The following FAM13A variants were observed in gnomAD, a reference collection of about 807,000 sequenced individuals.
The protein encoded by FAM13A is protein FAM13A.
A neutral mutation model predicts 129.6 loss-of-function variants in FAM13A; 76 were observed. That is an observed-to-expected ratio of 0.59 (90% CI 0.49 to 0.71). FAM13A has a LOEUF of 0.71. Among genes scored for constraint, FAM13A ranks in the 30% least tolerant of loss-of-function variants. The probability of loss-of-function intolerance (pLI) is 0.00; values close to 1 mark genes in which losing one functional copy is unlikely to be tolerated. For synonymous variants in FAM13A, 443 were observed against 449.9 expected, an observed-to-expected ratio of 0.98 and a Z score of 0.20; for missense variants, 1,108 against 1,249.3, an observed-to-expected ratio of 0.89 and a Z score of 1.70.
intron 4 of FAM13A, among the ~76,000 whole-genome samples, chr4:88,977,471 G>A (rs1443875357): frequency 2.6e-5 from 4 of 151,964 alleles, no homozygotes; most frequent in South Asian, 4.1e-4. Context: ...TTCATTCACC[G>A]TTTCTCTTAT....
chr4:88,746,922 C>T lies in FAM13A; in HGVS notation c.2466+10G>A, dbSNP rs778864112. 7 of 1,591,354 alleles carry T rather than the reference C, an allele frequency of 4.4e-6. No individual in the cohort carries two copies. In the South Asian group the frequency reaches 7.7e-5, roughly 18 times the overall value. ...TTGACCCCAATCAGAAAATTTACTA[C>T]ATCACATACCGGCCGTCCATGAATG... On this transcript the variant is annotated intron_variant, in intron 19 of 23. Transcript: ENST00000264344.
At chr4:88,771,945 G>T (rs1720760412) in intron 11 of FAM13A, among the ~76,000 whole-genome samples, 1 of 152,150 alleles carries the variant, frequency 6.6e-6, no homozygotes, top group South Asian at 2.1e-4. Context: ...GTTCATTTTA[G>T]ATTGTGGAAT....
At chr4:88,889,757 A>G (rs1263342451) in intron 6 of FAM13A, among the ~76,000 whole-genome samples, 1 of 152,208 alleles carries the variant, frequency 6.6e-6, no homozygotes, top group Non-Finnish European at 1.5e-5. Context: ...AGATGAAACC[A>G]GTAGAAGATG....
At chr4:88,931,428 C>T (rs1335281179) in intron 5 of FAM13A, among the ~76,000 whole-genome samples, 5 of 152,054 alleles carry the variant, frequency 3.3e-5, no homozygotes, top group Non-Finnish European at 7.4e-5. Flanking sequence ...TCACTGTTTC[C>T]CCATGTCCAG....
Position 88,949,947 on chromosome 4 carries a change from C to G in FAM13A, c.606-11706G>C, listed in dbSNP as rs76527869. 1.4e-3 allele frequency among the ~76,000 whole-genome samples: 214 copies of G among 152,254 alleles called. 4 individuals carry two copies. In the East Asian group the frequency reaches 0.038, roughly 27 times the overall value. On this transcript the variant is annotated intron_variant, in intron 4 of 23. Transcript: ENST00000264344. The stretch of plus-strand genomic sequence containing the variant: ...AGTACTACATCAACAATTACCCAAC[C>G]ATGTCTACATAGTAATCAATATTTT...
chr4:89,033,970 A>G (rs1769034196), intron 1 of FAM13A, among the ~76,000 whole-genome samples: 2 of 152,214 alleles, frequency 1.3e-5, no homozygotes, highest in South Asian at 4.1e-4. Context: ...TTCAAACTAT[A>G]AAAATCCTGT....
chr4:88,914,586 T>A (rs1749772698), intron 5 of FAM13A, among the ~76,000 whole-genome samples: 1 of 152,166 alleles, frequency 6.6e-6, no homozygotes, highest in Non-Finnish European at 1.5e-5. Context: ...TCAGCTCCCA[T>A]GTCACTTCCT....
intron 14 of FAM13A, among the ~76,000 whole-genome samples, chr4:88,757,695 A>T (rs1240698728): frequency 6.6e-6 from 1 of 152,228 alleles, no homozygotes; most frequent in African/African-American, 2.4e-5. Context: ...CAGAACTAGA[A>T]TAAAAAAGTT....
intron 5 of FAM13A, among the ~76,000 whole-genome samples, chr4:88,923,912 GACAA>G (rs1454194331): frequency 6.0e-4 from 92 of 152,204 alleles, no homozygotes; most frequent in African/African-American, 2.0e-3. Context: ...ACCAGTAACA[GACAA>G]ACAGAGAGCC....
chr4:88,756,600 G>T (rs1743694705), intron 14 of FAM13A, among the ~76,000 whole-genome samples: 1 of 152,088 alleles, frequency 6.6e-6, no homozygotes, highest in South Asian at 2.1e-4. Context: ...GAGGTTTTTG[G>T]TAATTATGAC....
At chr4:88,780,584 T>C (rs1411313515) in intron 11 of FAM13A, among the ~76,000 whole-genome samples, 3 of 152,176 alleles carry the variant, frequency 2.0e-5, no homozygotes, top group Non-Finnish European at 2.9e-5. Flanking sequence ...ATTAAACCAC[T>C]TGTAAACACT....
intron 4 of FAM13A, among the ~76,000 whole-genome samples, chr4:88,978,563 G>A (rs1440654285): frequency 6.6e-6 from 1 of 152,216 alleles, no homozygotes; most frequent in Non-Finnish European, 1.5e-5. Context: ...GGGAGGCCGA[G>A]GCGGGCAGAT....
intron 3 of FAM13A, among the ~76,000 whole-genome samples, chr4:89,012,421 T>C (rs981374400): frequency 6.6e-6 from 1 of 152,190 alleles, no homozygotes; most frequent in Non-Finnish European, 1.5e-5. Context: ...ATAAATTGTC[T>C]AAACCTCTGA....
At position 88,851,186 on chromosome 4, in the gene FAM13A, AG is replaced by A; in HGVS notation, c.844-4del. ...CCCTCACTCCTGGATTTTGGGATCT[AG>A]AAGAAAAAAAAAAGAGGGGTGGGGG... On this transcript the variant is annotated splice_region_variant and splice_polypyrimidine_tract_variant and intron_variant, in intron 6 of 23. Transcript: ENST00000264344. The A allele has an allele frequency of 6.4e-7, 1 of 1,570,494 alleles. No homozygotes were observed. The highest frequency in any genetic ancestry group is 1.8e-5 in the Admixed American group (1 of 56,112).
At chr4:88,802,554 T>C (rs1396856725) in intron 8 of FAM13A, among the ~76,000 whole-genome samples, 1 of 152,186 alleles carries the variant, frequency 6.6e-6, no homozygotes, top group Non-Finnish European at 1.5e-5. Context: ...AACTGAAATA[T>C]ATGGTAGACT....
chr4:88,975,963 T>A (rs1560613460), intron 4 of FAM13A, among the ~76,000 whole-genome samples: 1 of 152,156 alleles, frequency 6.6e-6, no homozygotes, highest in Non-Finnish European at 1.5e-5. Flanking sequence ...TTGTGGCCAA[T>A]CATTGACACC....
At chr4:89,039,994 CAT>C (rs1769901934) in intron 1 of FAM13A, among the ~76,000 whole-genome samples, 1 of 151,576 alleles carries the variant, frequency 6.6e-6, no homozygotes, top group Non-Finnish European at 1.5e-5. Flanking sequence ...CCAATTGTCT[CAT>C]CAGGACAACT....
At chr4:88,738,931 A>G in intron 20 of FAM13A, 99 bp downstream of exon 20, 1 of 781,676 alleles carries the variant, frequency 1.3e-6, no homozygotes, top group Non-Finnish European at 2.3e-6. Context: ...ATTAAAGCCT[A>G]TTCTTTAATG....
intron 1 of FAM13A, among the ~76,000 whole-genome samples, chr4:89,033,543 T>G (rs1322937502): frequency 6.6e-6 from 1 of 152,206 alleles, no homozygotes. Context: ...TAAAGATAAG[T>G]GCACTTGCTA....
Sources: gnomAD v4.1 joint callset for allele counts (sites outside exome capture counted in the v4.1 genomes callset) on GRCh38, gnomAD v4.1.1 for gene constraint, MANE v1.5 for transcripts, NCBI Gene and HGNC (gene_info 2026-07-23, HGNC 2026-07-21) for gene names.